The following SSBP2 variants were observed in gnomAD, a reference collection of about 807,000 sequenced individuals.
SSBP2 encodes the protein single-stranded DNA-binding protein 2.
A neutral mutation model predicts 61.8 loss-of-function variants in SSBP2; 17 were observed. That is an observed-to-expected ratio of 0.28 (90% confidence interval 0.19 to 0.41). The LOEUF (loss-of-function observed/expected upper bound fraction) is 0.41, where lower values mean the gene tolerates loss of function less well. Among genes scored for constraint, SSBP2 ranks in the 10% least tolerant of loss-of-function variants. SSBP2 has a pLI of 1.00. For missense variants in SSBP2, 310 were observed against 458.7 expected, an observed-to-expected ratio of 0.68 and a Z score of 2.96; for synonymous variants, 139 against 141.3, an observed-to-expected ratio of 0.98 and a Z score of 0.12.
chr5:81,488,042 TA>T (rs1561459344), intron 6 of SSBP2, among the ~76,000 whole-genome samples: 1 of 24,458 alleles, frequency 4.1e-5, no homozygotes, highest in South Asian at 7.0e-4. Flanking sequence ...TATATATATA[TA>T]TATATATATA....
At chr5:81,487,701 T>TA in intron 6 of SSBP2, among the ~76,000 whole-genome samples, 1 of 151,854 alleles carries the variant, frequency 6.6e-6, no homozygotes, top group Non-Finnish European at 1.5e-5. Flanking sequence ...CATTATGTAA[T>TA]GATTATCACA....
At position 81,414,638 on chromosome 5, in the gene SSBP2, C is replaced by T. The variant is rs1289775167; in HGVS notation, c.*5866G>A. ...ACACCTTGTAGTATCAGTGAAGTGG[C>T]TGAGAATTAAATGATCACTTATGCC... On this transcript the variant is annotated 3_prime_UTR_variant, in exon 17 of 17. Coordinates refer to ENST00000320672, the MANE Select transcript of SSBP2 (RefSeq NM_012446.5). 6.6e-6 allele frequency: 1 copy of T among 152,110 alleles called. No individual in the cohort carries two copies. Among genetic ancestry groups the T allele is most frequent in the African/African-American group, 2.4e-5 (1 of 41,414 alleles). 9.4% of individuals were successfully genotyped at this position (152,110 alleles called of 1,614,324 possible). A position where few individuals can be genotyped will look rare whatever the true frequency, so the allele number is the denominator to read the frequency against.
chr5:81,731,401 T>G (rs1581438103), intron 1 of SSBP2, among the ~76,000 whole-genome samples: 1 of 152,284 alleles, frequency 6.6e-6, no homozygotes, highest in Non-Finnish European at 1.5e-5. Flanking sequence ...TCCATGCAAC[T>G]GCCAAGCCAA....
intron 10 of SSBP2, among the ~76,000 whole-genome samples, chr5:81,451,456 C>T (rs902546693): frequency 3.3e-5 from 5 of 151,958 alleles, no homozygotes; most frequent in African/African-American, 7.2e-5. Flanking sequence ...GATGGAGTTT[C>T]GCTCTTGTTG....
At chr5:81,605,643 A>G (rs1744812190) in intron 4 of SSBP2, among the ~76,000 whole-genome samples, 1 of 152,240 alleles carries the variant, frequency 6.6e-6, no homozygotes, top group East Asian at 1.9e-4. Context: ...CTTCAGAGTA[A>G]TTTATTTGTT....
intron 12 of SSBP2, among the ~76,000 whole-genome samples, chr5:81,445,546 A>G (rs544567607): frequency 3.3e-5 from 5 of 152,250 alleles, no homozygotes; most frequent in African/African-American, 9.6e-5. Flanking sequence ...TCTTCGATGA[A>G]TTGTATCATT....
At chr5:81,463,967 C>T (rs1764723116) in intron 9 of SSBP2, among the ~76,000 whole-genome samples, 1 of 151,866 alleles carries the variant, frequency 6.6e-6, no homozygotes, top group African/African-American at 2.4e-5. Context: ...TGGGGTCTCC[C>T]TATGTTGCCC....
intron 4 of SSBP2, among the ~76,000 whole-genome samples, chr5:81,587,430 G>A (rs1775140022): frequency 1.3e-5 from 2 of 152,114 alleles, no homozygotes; most frequent in South Asian, 2.1e-4. Flanking sequence ...TGTACACGTG[G>A]GGAAAAAACT....
At chr5:81,485,773 AG>A (rs1391893358) in intron 6 of SSBP2, among the ~76,000 whole-genome samples, 4 of 152,178 alleles carry the variant, frequency 2.6e-5, no homozygotes, top group Non-Finnish European at 4.4e-5. Flanking sequence ...AGCCTCCTGA[AG>A]TGCTGGGATT....
chr5:81,561,300 AAAC>A (rs1773025365), intron 4 of SSBP2, among the ~76,000 whole-genome samples: 1 of 152,330 alleles, frequency 6.6e-6, no homozygotes, highest in Non-Finnish European at 1.5e-5. Flanking sequence ...AAAACTTGGC[AAAC>A]AACAATGAGC....
Position 81,567,714 on chromosome 5 carries a change from C to T in SSBP2, c.282+47759G>A, listed in dbSNP as rs1046076150. On this transcript the variant is annotated intron_variant, in intron 4 of 16. Coordinates refer to ENST00000320672, the MANE Select transcript of SSBP2 (RefSeq NM_012446.5). ...ACCCCAGGTGGGAGGCAGACTGTAC[C>T]CTGCAAAACCACAGGGGCAGAGCTG... Among the ~76,000 whole-genome samples the T allele has an allele frequency of 3.9e-5, 6 of 152,290 alleles. 1 individual carries two copies. Among genetic ancestry groups the T allele is most frequent in the Admixed American group, 3.9e-4 (6 of 15,294 alleles).
chr5:81,706,269 G>T (rs1484037049), intron 1 of SSBP2, among the ~76,000 whole-genome samples: 1 of 152,092 alleles, frequency 6.6e-6, no homozygotes, highest in Non-Finnish European at 1.5e-5. Flanking sequence ...TTTAGAAGTG[G>T]GAGCTAAACA....
chr5:81,418,065 T>C lies in SSBP2; in HGVS notation c.*2439A>G, dbSNP rs1761392222. 6.6e-6 allele frequency: 1 copy of C among 152,182 alleles called. No homozygotes were observed. 9.4% of individuals were successfully genotyped at this position (152,182 alleles called of 1,614,324 possible). On this transcript the variant is annotated 3_prime_UTR_variant, in exon 17 of 17. Coordinates refer to ENST00000320672, the MANE Select transcript of SSBP2 (RefSeq NM_012446.5). ...AAAAGAATTTCAAGATCGGTAACAA[T>C]GGAGAAGAGTCAACAAAATATTTGA...
chr5:81,707,059 G>A (rs1754447398), intron 1 of SSBP2, among the ~76,000 whole-genome samples: 1 of 152,086 alleles, frequency 6.6e-6, no homozygotes, highest in Non-Finnish European at 1.5e-5. Context: ...ATGGCCCTGA[G>A]GAACAAAACA....
chr5:81,595,456 A>G (rs1743628586), intron 4 of SSBP2, among the ~76,000 whole-genome samples: 1 of 152,206 alleles, frequency 6.6e-6, no homozygotes, highest in Non-Finnish European at 1.5e-5. Flanking sequence ...ATTCCAATCG[A>G]TAGAAAAAAA....
intron 1 of SSBP2, among the ~76,000 whole-genome samples, chr5:81,685,507 G>A (rs1465270410): frequency 1.3e-5 from 2 of 151,886 alleles, no homozygotes; most frequent in African/African-American, 2.4e-5. Context: ...ACTCAATTTT[G>A]CTCTGAACTT....
In SSBP2 at chr5:81,701,722, TCTTTGTCA is replaced by T. The variant is rs1443176594; in HGVS notation, c.62+49251_62+49258del. On this transcript the variant is annotated intron_variant, in intron 1 of 16. Transcript: ENST00000320672. ...TACAAAAGCACTAAAGGAATAGACA[TCTTTGTCA>T]CTTTGTTCCATCCTTGGCACCTAAA... 2.0e-5 allele frequency among the ~76,000 whole-genome samples: 3 copies of T among 152,256 alleles called. No homozygotes were observed. In the East Asian group the frequency reaches 5.8e-4, roughly 29 times the overall value.
chr5:81,515,199 C>G (rs1259581540), intron 4 of SSBP2, among the ~76,000 whole-genome samples: 2 of 151,810 alleles, frequency 1.3e-5, no homozygotes, highest in Non-Finnish European at 2.9e-5. Flanking sequence ...TCAAACACAA[C>G]CTCTTTTAGT....
At chr5:81,491,028 C>T (rs897946318) in intron 5 of SSBP2, among the ~76,000 whole-genome samples, 1 of 152,188 alleles carries the variant, frequency 6.6e-6, no homozygotes. Flanking sequence ...GTACTGTCAA[C>T]TAGAAGCTTA....
Sources: allele counts gnomAD v4.1 joint callset (sites outside exome capture counted in the v4.1 genomes callset), GRCh38; gene constraint gnomAD v4.1.1; transcripts MANE v1.5; gene names NCBI Gene and HGNC (gene_info 2026-07-23, HGNC 2026-07-21).